WWOX: variants seen among roughly 807,000 people sequenced by gnomAD.
WWOX encodes WW domain-containing oxidoreductase.
A neutral mutation model predicts 46.2 loss-of-function variants in WWOX; 69 were observed. That is an observed-to-expected ratio of 1.49 (90% CI 1.23 to 1.82). The LOEUF (loss-of-function observed/expected upper bound fraction) is 1.82. Among genes scored for constraint, WWOX ranks in the 40% most tolerant of loss-of-function variants. The probability of loss-of-function intolerance (pLI) is 0.00; values close to 1 mark genes in which losing one functional copy is unlikely to be tolerated. For missense variants in WWOX, 919 were observed against 542.6 expected, an observed-to-expected ratio of 1.69 and a Z score of -6.89; for synonymous variants, 359 against 202.6, an observed-to-expected ratio of 1.77 and a Z score of -6.56.
rs116031502 is a variant in WWOX, at chr16:78,486,942, T to C, written c.1056+54190T>C. On this transcript the variant is annotated intron_variant, in intron 8 of 8. Coordinates refer to ENST00000566780, the MANE Select transcript of WWOX (RefSeq NM_016373.4). ...ATGATCTATTCCTAATGCAGGCTCA[T>C]TCCTAACAGGGCATCCCTGCACAAT... 2.7e-3 allele frequency among the ~76,000 whole-genome samples: 404 copies of C among 152,308 alleles called. 3 individuals carry two copies. The highest frequency in any genetic ancestry group is 9.4e-3 in the African/African-American group (391 of 41,580).
intron 5 of WWOX, among the ~76,000 whole-genome samples, chr16:78,274,479 C>A (rs1476791926): frequency 6.6e-6 from 1 of 152,204 alleles, no homozygotes; most frequent in Non-Finnish European, 1.5e-5. Flanking sequence ...TTAAGCAGGA[C>A]ACCTAGAACT....
At chr16:78,771,994 T>C (rs1004682552) in intron 8 of WWOX, among the ~76,000 whole-genome samples, 3 of 152,162 alleles carry the variant, frequency 2.0e-5, no homozygotes, top group African/African-American at 7.2e-5. Flanking sequence ...GGATTATTAG[T>C]GTATATGTGT....
intron 5 of WWOX, among the ~76,000 whole-genome samples, chr16:78,365,150 G>A (rs1359374237): frequency 1.3e-5 from 2 of 152,190 alleles, no homozygotes; most frequent in Non-Finnish European, 2.9e-5. Context: ...TCTTGAAGAT[G>A]CTGAGGTTGA....
At chr16:78,724,177 C>G (rs1009856609) in intron 8 of WWOX, among the ~76,000 whole-genome samples, 27 of 152,332 alleles carry the variant, frequency 1.8e-4, no homozygotes, top group Admixed American at 9.8e-4. Flanking sequence ...ATATCTCACT[C>G]CGTCATTTAT....
chr16:78,671,194 A>G (rs936447263), intron 8 of WWOX, among the ~76,000 whole-genome samples: 16 of 152,162 alleles, frequency 1.1e-4, no homozygotes, highest in Non-Finnish European at 2.4e-4. Flanking sequence ...AGGCTGAGGC[A>G]GGTGGATCAC....
chr16:79,000,458 C>G (rs1214654496), intron 8 of WWOX, among the ~76,000 whole-genome samples: 1 of 152,216 alleles, frequency 6.6e-6, no homozygotes, highest in Admixed American at 6.5e-5. Context: ...CCAGTCGAAT[C>G]AGAGATGGGG....
intron 8 of WWOX, among the ~76,000 whole-genome samples, chr16:79,068,181 G>A (rs7206235): frequency 6.6e-6 from 1 of 152,054 alleles, no homozygotes; most frequent in Non-Finnish European, 1.5e-5. Context: ...AGCATTGGGT[G>A]AATGACCCTG....
intron 8 of WWOX, among the ~76,000 whole-genome samples, chr16:78,491,026 C>G (rs2084772768): frequency 6.6e-6 from 1 of 152,196 alleles, no homozygotes; most frequent in Non-Finnish European, 1.5e-5. Context: ...TCCCTCTTGG[C>G]CAACTTCATG....
At chr16:78,884,315 A>G (rs1489723014) in intron 8 of WWOX, among the ~76,000 whole-genome samples, 1 of 151,118 alleles carries the variant, frequency 6.6e-6, no homozygotes, top group East Asian at 1.9e-4. Flanking sequence ...TTTTAAGACT[A>G]TGACTGGTCA....
chr16:78,791,324 TCAACGGCA>T (rs2045061623), intron 8 of WWOX, among the ~76,000 whole-genome samples: 2 of 152,130 alleles, frequency 1.3e-5, no homozygotes, highest in Admixed American at 6.5e-5. Flanking sequence ...GGATCTGGAC[TCAACGGCA>T]GTCTCAGGTT....
chr16:78,372,957 T>G (rs1377152114), intron 5 of WWOX, among the ~76,000 whole-genome samples: 1 of 152,198 alleles, frequency 6.6e-6, no homozygotes, highest in Non-Finnish European at 1.5e-5. Context: ...TGGGCTGAAT[T>G]ATTTGAATTC....
At chr16:79,189,899 C>A (rs2051098327) in intron 8 of WWOX, among the ~76,000 whole-genome samples, 1 of 145,404 alleles carries the variant, frequency 6.9e-6, no homozygotes, top group African/African-American at 2.6e-5. Flanking sequence ...TCATATTCTA[C>A]CTAGTTTTAG....
At chr16:79,146,486 C>G (rs1200237465) in intron 8 of WWOX, among the ~76,000 whole-genome samples, 1 of 152,066 alleles carries the variant, frequency 6.6e-6, no homozygotes, top group Non-Finnish European at 1.5e-5. Context: ...GATTTGGAGT[C>G]GTAACGAGTT....
At chr16:79,119,332 G>C (rs1199967595) in intron 8 of WWOX, among the ~76,000 whole-genome samples, 1 of 152,190 alleles carries the variant, frequency 6.6e-6, no homozygotes, top group African/African-American at 2.4e-5. Flanking sequence ...TTTTGGATTG[G>C]AGGGTTTCTA....
intron 8 of WWOX, among the ~76,000 whole-genome samples, chr16:78,863,012 G>C (rs1172895778): frequency 2.1e-5 from 3 of 146,218 alleles, no homozygotes; most frequent in African/African-American, 7.6e-5. Context: ...AGGGTGGAGT[G>C]CAGTGGTGCA....
At chr16:78,797,579 A>C (rs970647194) in intron 8 of WWOX, among the ~76,000 whole-genome samples, 1 of 152,132 alleles carries the variant, frequency 6.6e-6, no homozygotes, top group Non-Finnish European at 1.5e-5. Context: ...CTGGGGCTTT[A>C]GTCATGTCAA....
chr16:78,413,103 A>G (rs2082720661), intron 6 of WWOX, among the ~76,000 whole-genome samples: 1 of 152,186 alleles, frequency 6.6e-6, no homozygotes, highest in Non-Finnish European at 1.5e-5. Flanking sequence ...CTGATTTATC[A>G]AGACGGGGGT....
intron 8 of WWOX, chr16:78,825,684 G>T: frequency 3.7e-6 from 2 of 541,074 alleles, no homozygotes; most frequent in South Asian, 1.7e-5. Context: ...CTGCCAAGCT[G>T]TGGTTTCTGG....
chr16:78,948,293 C>A (rs368385963), intron 8 of WWOX, among the ~76,000 whole-genome samples: 30 of 152,292 alleles, frequency 2.0e-4, no homozygotes, highest in Middle Eastern at 3.4e-3. Flanking sequence ...TTTGGGACCC[C>A]TGTTGCTGTC....
Sources: gnomAD v4.1 joint callset for allele counts (sites outside exome capture counted in the v4.1 genomes callset) on GRCh38, gnomAD v4.1.1 for gene constraint, MANE v1.5 for transcripts, NCBI Gene and HGNC (gene_info 2026-07-23, HGNC 2026-07-21) for gene names.